ATG7: variants seen among roughly 807,000 people sequenced by gnomAD.
The protein encoded by ATG7 is ubiquitin-like modifier-activating enzyme ATG7.
A neutral mutation model predicts 82.4 loss-of-function variants in ATG7; 70 were observed. The ratio of observed to expected loss-of-function variants is 0.85; its 90% confidence interval spans 0.70 to 1.04. The LOEUF (loss-of-function observed/expected upper bound fraction) is 1.04. Ranked by LOEUF, ATG7 falls within the 50% of genes least tolerant of loss-of-function variation. The pLI is 0.00. For synonymous variants in ATG7, 287 were observed against 313.0 expected, an observed-to-expected ratio of 0.92 and a Z score of 0.88; for missense variants, 792 against 864.3, an observed-to-expected ratio of 0.92 and a Z score of 1.05.
intron 3 of ATG7, among the ~76,000 whole-genome samples, chr3:11,287,232 A>T (rs974649911): frequency 4.6e-5 from 7 of 152,214 alleles, no homozygotes; most frequent in African/African-American, 1.4e-4. Flanking sequence ...CCAAATGTCT[A>T]GGTGGCTTAG....
intron 11 of ATG7, among the ~76,000 whole-genome samples, chr3:11,339,231 G>A: frequency 6.7e-6 from 1 of 149,480 alleles, no homozygotes; most frequent in African/African-American, 2.5e-5. Flanking sequence ...AGGAGGTGGA[G>A]CTTGCAGTGA....
At chr3:11,316,350 C>T (rs1949407102) in intron 9 of ATG7, among the ~76,000 whole-genome samples, 1 of 152,216 alleles carries the variant, frequency 6.6e-6, no homozygotes, top group South Asian at 2.1e-4. Context: ...TCCAGAATCT[C>T]CATCCCCTTC....
At chr3:11,493,366 C>T (rs967321972) in intron 20 of ATG7, among the ~76,000 whole-genome samples, 2 of 152,182 alleles carry the variant, frequency 1.3e-5, no homozygotes. Flanking sequence ...TTTATAGACA[C>T]AGGATGGGGG....
chr3:11,451,837 A>C (rs2454506), intron 20 of ATG7, among the ~76,000 whole-genome samples: 119,542 of 144,314 alleles, frequency 0.83, 49,299 homozygotes, highest in East Asian at 0.97. Flanking sequence ...GTCTCTCTCT[A>C]TCTCTCTCTC....
intron 20 of ATG7, among the ~76,000 whole-genome samples, chr3:11,443,349 A>G (rs1260834173): frequency 1.3e-5 from 2 of 152,144 alleles, no homozygotes; most frequent in Non-Finnish European, 2.9e-5. Context: ...AGATTATATA[A>G]ATGAAAGCAC....
downstream of ATG7, among the ~76,000 whole-genome samples, chr3:11,559,735 T>A (rs889100478): frequency 2.0e-5 from 3 of 152,108 alleles, no homozygotes. Flanking sequence ...TCCCCATCTC[T>A]CAAATCTGTT....
At chr3:11,314,857 T>C (rs940216793) in intron 8 of ATG7, among the ~76,000 whole-genome samples, 7 of 152,158 alleles carry the variant, frequency 4.6e-5, no homozygotes, top group African/African-American at 1.7e-4. Context: ...GAGGATTGAT[T>C]GAGCCCAGGA....
intron 14 of ATG7, among the ~76,000 whole-genome samples, chr3:11,349,024 G>C (rs976455076): frequency 1.3e-5 from 2 of 151,842 alleles, no homozygotes; most frequent in African/African-American, 4.8e-5. Context: ...CAATCCTCTA[G>C]CTAGACACAG....
downstream of ATG7, chr3:11,558,136 C>A (rs2125093168): frequency 4.4e-6 from 1 of 226,866 alleles, no homozygotes; most frequent in East Asian, 9.6e-5. Context: ...CCGAACCAAA[C>A]ACGCCGTGGA....
At chr3:11,396,891 A>T (rs1197614706) in intron 19 of ATG7, among the ~76,000 whole-genome samples, 1 of 152,164 alleles carries the variant, frequency 6.6e-6, no homozygotes, top group Admixed American at 6.5e-5. Flanking sequence ...GAGGTTAAAG[A>T]TAGGAATTAA....
rs190975570 is a variant in ATG7, at chr3:11,358,840, A to C, written c.1479+228A>C. On this transcript the variant is annotated intron_variant, in intron 15 of 20. Transcript: ENST00000693202. Reference sequence around the variant, plus strand: ...TCATAATAATCTTTTGAGATACTCTACACTGAAAGATATACTGTACTTACA... The same window carrying C: ...TCATAATAATCTTTTGAGATACTCTCCACTGAAAGATATACTGTACTTACA... Among the ~76,000 whole-genome samples, 53 of 152,336 alleles carry C rather than the reference A, an allele frequency of 3.5e-4. 1 individual carries two copies. The highest frequency in any genetic ancestry group is 5.9e-4 in the Non-Finnish European group (40 of 68,028).
At chr3:11,525,391 C>G (rs898819407) in intron 20 of ATG7, among the ~76,000 whole-genome samples, 3 of 150,338 alleles carry the variant, frequency 2.0e-5, no homozygotes, top group African/African-American at 5.0e-5. Context: ...ACAAAATGTT[C>G]CCTCTTTAGC....
intron 20 of ATG7, among the ~76,000 whole-genome samples, chr3:11,448,914 T>C (rs2084840155): frequency 6.6e-6 from 1 of 152,116 alleles, no homozygotes; most frequent in Non-Finnish European, 1.5e-5. Flanking sequence ...ACCAGAGTAA[T>C]ATACTTAAAC....
intron 19 of ATG7, among the ~76,000 whole-genome samples, chr3:11,402,732 T>C (rs1375161912): frequency 6.6e-6 from 1 of 152,220 alleles, no homozygotes; most frequent in African/African-American, 2.4e-5. Flanking sequence ...GGATTATAAA[T>C]GGCAAGATAC....
intron 20 of ATG7, among the ~76,000 whole-genome samples, chr3:11,499,828 G>A (rs141266781): frequency 1.1e-4 from 17 of 151,812 alleles, no homozygotes; most frequent in African/African-American, 4.1e-4. Context: ...ACCTCCACAC[G>A]CAGTTTGGGA....
At chr3:11,387,154 C>A (rs536622392) in intron 19 of ATG7, among the ~76,000 whole-genome samples, 1 of 152,288 alleles carries the variant, frequency 6.6e-6, no homozygotes, top group South Asian at 2.1e-4. Flanking sequence ...ATACATGCAG[C>A]CTTTTCTGGG....
chr3:11,492,125 A>G lies in ATG7; in HGVS notation c.2080-62686A>G, dbSNP rs528544835. On this transcript the variant is annotated intron_variant, in intron 20 of 20. Transcript: ENST00000693202. ...TAGCAATCAGTGAGACTCCGTGGTC[A>G]TAGGACCCTCCGAGCCAGGTGTGGA... Among the ~76,000 whole-genome samples, 6 of 152,324 alleles carry G rather than the reference A, an allele frequency of 3.9e-5. No homozygotes were observed. The East Asian group carries it at 1.2e-3, about 29-fold the overall frequency.
At chr3:11,487,230 ACTT>A (rs1450399741) in intron 20 of ATG7, among the ~76,000 whole-genome samples, 1 of 126,188 alleles carries the variant, frequency 7.9e-6, no homozygotes, top group Admixed American at 7.6e-5. Flanking sequence ...TCCCATGTCT[ACTT>A]CTTTCTACAC....
intron 20 of ATG7, among the ~76,000 whole-genome samples, chr3:11,462,246 CA>C (rs2086381041): frequency 6.6e-6 from 1 of 152,016 alleles, no homozygotes; most frequent in Admixed American, 6.6e-5. Flanking sequence ...GCCCTCTCGT[CA>C]CCATTGCTAA....
Sources: gnomAD v4.1 joint callset for allele counts (sites outside exome capture counted in the v4.1 genomes callset) on GRCh38, gnomAD v4.1.1 for gene constraint, MANE v1.5 for transcripts, NCBI Gene and HGNC (gene_info 2026-07-23, HGNC 2026-07-21) for gene names.